The following MARCHF3 variants were observed in gnomAD, a reference collection of about 807,000 sequenced individuals.
MARCHF3 encodes E3 ubiquitin-protein ligase MARCHF3.
MARCHF3 carries 13 observed loss-of-function variants against 24.2 expected under a neutral mutation model. That is an observed-to-expected ratio of 0.54 (90% CI 0.35 to 0.85). The LOEUF (loss-of-function observed/expected upper bound fraction) is 0.85, where lower values mean the gene tolerates loss of function less well. Among genes scored for constraint, MARCHF3 ranks in the 40% least tolerant of loss-of-function variants. The pLI is 0.01. For missense variants in MARCHF3, 276 were observed against 325.0 expected (o/e 0.85, Z 1.16); for synonymous variants, 144 against 137.3 (o/e 1.05, Z -0.34).
chr5:126,946,092 C>A (rs922505099), intron 1 of MARCHF3, among the ~76,000 whole-genome samples: 1 of 151,886 alleles, frequency 6.6e-6, no homozygotes, highest in African/African-American at 2.4e-5. Flanking sequence ...GAACAGGGGC[C>A]GAGCGTGGTA....
At chr5:126,992,766 A>ATTTTTTTTTT (rs757479478) in intron 1 of MARCHF3, among the ~76,000 whole-genome samples, 3 of 95,504 alleles carry the variant, frequency 3.1e-5, no homozygotes, top group African/African-American at 4.1e-5. Context: ...CATCCACGTG[A>ATTTTTTTTTT]TTTTTTTTTT....
intron 1 of MARCHF3, among the ~76,000 whole-genome samples, chr5:126,940,286 A>G (rs1033783210): frequency 6.6e-6 from 1 of 152,190 alleles, no homozygotes; most frequent in Non-Finnish European, 1.5e-5. Flanking sequence ...AACAATGAGG[A>G]TTGATTATAA....
chr5:127,028,530 C>A (rs981378759), intron 1 of MARCHF3, among the ~76,000 whole-genome samples: 5 of 149,982 alleles, frequency 3.3e-5, no homozygotes, highest in Non-Finnish European at 7.4e-5. Flanking sequence ...ATAGCCTCTG[C>A]AATAAAGCTC....
intron 3 of MARCHF3, among the ~76,000 whole-genome samples, chr5:126,901,394 C>T (rs1360892470): frequency 6.6e-6 from 1 of 152,078 alleles, no homozygotes; most frequent in Non-Finnish European, 1.5e-5. Flanking sequence ...GGACTGGAAT[C>T]AAGATCTGTG....
intron 3 of MARCHF3, among the ~76,000 whole-genome samples, chr5:126,909,944 T>C (rs993503083): frequency 3.3e-5 from 5 of 152,254 alleles, no homozygotes; most frequent in African/African-American, 4.8e-5. Flanking sequence ...TCTGGGTAAG[T>C]GCTATGTGTG....
At chr5:126,917,409 C>T (rs568721848) in intron 2 of MARCHF3, among the ~76,000 whole-genome samples, 1 of 152,252 alleles carries the variant, frequency 6.6e-6, no homozygotes, top group African/African-American at 2.4e-5. Flanking sequence ...CACAATAGCA[C>T]TTCATAGGGT....
chr5:126,907,939 G>A (rs1754362488), intron 3 of MARCHF3, among the ~76,000 whole-genome samples: 1 of 152,100 alleles, frequency 6.6e-6, no homozygotes, highest in African/African-American at 2.4e-5. Context: ...ATTTTGGCAT[G>A]ATTTTGCAGC....
In MARCHF3 at chr5:126,898,916, A is replaced by G. The variant is rs996406009; in HGVS notation, c.393+16014T>C. 3 of 985,028 alleles carry G rather than the reference A, an allele frequency of 3.0e-6. 1 individual carries two copies. The African/African-American group carries it at 5.3e-5, about 17-fold the overall frequency. 61.0% of individuals were successfully genotyped at this position (985,028 alleles called of 1,614,324 possible). A position where few individuals can be genotyped will look rare whatever the true frequency, so the allele number is the denominator to read the frequency against. On this transcript the variant is annotated intron_variant, in intron 3 of 4. Transcript: ENST00000308660. ...ATCTGACTTCAATCTTCACAAACAG[A>G]TTATACATTTTCATAAGTGGCACAT...
intron 1 of MARCHF3, among the ~76,000 whole-genome samples, chr5:127,026,646 C>T (rs1050533867): frequency 6.6e-6 from 1 of 152,136 alleles, no homozygotes; most frequent in African/African-American, 2.4e-5. Context: ...TAAATCAAAA[C>T]AATTTAAGTT....
chr5:126,870,165 T>A lies in MARCHF3; in HGVS notation c.*468A>T, dbSNP rs1480252109. Reference sequence around the variant, plus strand: ...CTACCAAAGTACCCCAAAGAATCCATACGAGAAACTGAGAAACAAACTAAC... The same window carrying A: ...CTACCAAAGTACCCCAAAGAATCCAAACGAGAAACTGAGAAACAAACTAAC... On this transcript the variant is annotated 3_prime_UTR_variant, in exon 5 of 5. Transcript: ENST00000308660. 6.5e-6 allele frequency: 1 copy of A among 152,676 alleles called. No homozygotes were observed. The highest frequency in any genetic ancestry group is 2.4e-5 in the African/African-American group (1 of 41,390). The allele number at this position is 152,676 out of a possible 1,614,324, so 9.5% of individuals were successfully genotyped here.
At chr5:126,897,719 A>G (rs1753969632) in intron 3 of MARCHF3, among the ~76,000 whole-genome samples, 1 of 152,076 alleles carries the variant, frequency 6.6e-6, no homozygotes, top group South Asian at 2.1e-4. Flanking sequence ...CCTCATTTAT[A>G]TCCACAAATA....
chr5:126,978,463 G>A (rs1455061380), intron 1 of MARCHF3, among the ~76,000 whole-genome samples: 2 of 152,138 alleles, frequency 1.3e-5, no homozygotes, highest in Non-Finnish European at 1.5e-5. Flanking sequence ...TAGATACTAA[G>A]GTTTCTTTTC....
chr5:126,999,731 A>T (rs1752065316), intron 1 of MARCHF3, among the ~76,000 whole-genome samples: 1 of 152,338 alleles, frequency 6.6e-6, no homozygotes, highest in South Asian at 2.1e-4. Context: ...TTTGTTCAAC[A>T]AACAATGAAC....
intron 3 of MARCHF3, among the ~76,000 whole-genome samples, chr5:126,878,983 T>G (rs1348753941): frequency 6.6e-6 from 1 of 152,224 alleles, no homozygotes; most frequent in African/African-American, 2.4e-5. Flanking sequence ...TGATTTATGG[T>G]GAACACCTAT....
rs182417036 is a variant in MARCHF3 at position 126,895,968 on chromosome 5, C to G, written c.394-17574G>C. Reference sequence around the variant, plus strand: ...GCTGTGCTAGCAATCAGCGAGAATCCGTGGGTGTAGGACCCTCCAAGCCAG... The same window carrying G: ...GCTGTGCTAGCAATCAGCGAGAATCGGTGGGTGTAGGACCCTCCAAGCCAG... On this transcript the variant is annotated intron_variant, in intron 3 of 4. Transcript: ENST00000308660. Among the ~76,000 whole-genome samples, 1,298 of 152,236 alleles carry G rather than the reference C, an allele frequency of 8.5e-3. 27 individuals carry two copies. Among genetic ancestry groups the G allele is most frequent in the East Asian group, 0.026 (133 of 5,188 alleles).
chr5:126,987,138 A>G (rs1219102674), intron 1 of MARCHF3, among the ~76,000 whole-genome samples: 1 of 152,204 alleles, frequency 6.6e-6, no homozygotes, highest in East Asian at 1.9e-4. Flanking sequence ...AAGGGCAAAA[A>G]CTGAGCTTTC....
At chr5:126,912,933 A>G (rs1459896537) in intron 3 of MARCHF3, among the ~76,000 whole-genome samples, 1 of 152,216 alleles carries the variant, frequency 6.6e-6, no homozygotes, top group East Asian at 1.9e-4. Flanking sequence ...GTTTGGGTGA[A>G]GTTTTTGTAG....
intron 1 of MARCHF3, among the ~76,000 whole-genome samples, chr5:127,006,650 G>C (rs1167768075): frequency 1.3e-5 from 2 of 152,102 alleles, no homozygotes; most frequent in Non-Finnish European, 2.9e-5. Flanking sequence ...TTTTCATAAA[G>C]AGAAAGATGA....
At chr5:127,002,839 A>G (rs916564255) in intron 1 of MARCHF3, among the ~76,000 whole-genome samples, 15 of 152,222 alleles carry the variant, frequency 9.9e-5, no homozygotes, top group Admixed American at 5.9e-4. Context: ...CCCTTTCTAC[A>G]AACACAGCTC....
Sources: allele counts gnomAD v4.1 joint callset (sites outside exome capture counted in the v4.1 genomes callset), GRCh38; gene constraint gnomAD v4.1.1; transcripts MANE v1.5; gene names NCBI Gene and HGNC (gene_info 2026-07-23, HGNC 2026-07-21).